The following APBB2 variants were observed in gnomAD, a reference collection of about 807,000 sequenced individuals.
The protein encoded by APBB2 is Fe65-like 1.
Under a neutral mutation model 82.5 loss-of-function variants are expected in APBB2, and 38 were observed. The observed-to-expected ratio is 0.46, with a 90% CI of 0.36 to 0.60. The LOEUF is 0.60. Ranked by LOEUF, APBB2 falls within the 20% of genes least tolerant of loss-of-function variation. The pLI is 0.00. For missense variants in APBB2, 772 were observed against 972.3 expected (o/e 0.79, Z 2.74); for synonymous variants, 341 against 368.2 (o/e 0.93, Z 0.85).
At chr4:40,819,417 C>T (rs1054357403) in intron 17 of APBB2, among the ~76,000 whole-genome samples, 6 of 151,778 alleles carry the variant, frequency 4.0e-5, no homozygotes, top group Admixed American at 2.0e-4. Flanking sequence ...ACCTCCTGAC[C>T]TCAAGTGATC....
At chr4:41,204,524 A>G (rs1777470529) in intron 1 of APBB2, among the ~76,000 whole-genome samples, 1 of 152,180 alleles carries the variant, frequency 6.6e-6, no homozygotes, top group Non-Finnish European at 1.5e-5. Context: ...CTTCTCCTGG[A>G]AGCTTTGCCC....
At chr4:41,074,462 A>G (rs1734904702) in intron 3 of APBB2, among the ~76,000 whole-genome samples, 1 of 152,214 alleles carries the variant, frequency 6.6e-6, no homozygotes. Flanking sequence ...TCTTTATCAT[A>G]GTGACAACAG....
At chr4:41,113,463 C>T (rs1218024592) in intron 2 of APBB2, among the ~76,000 whole-genome samples, 2 of 151,970 alleles carry the variant, frequency 1.3e-5, no homozygotes, top group Non-Finnish European at 2.9e-5. Context: ...ATCTAGTCAA[C>T]ATAGTATTGA....
intron 12 of APBB2, among the ~76,000 whole-genome samples, chr4:40,833,661 A>G (rs1420548976): frequency 6.6e-6 from 1 of 152,188 alleles, no homozygotes; most frequent in African/African-American, 2.4e-5. Context: ...GGCCACCCAC[A>G]TTCGAGTCTC....
In APBB2 at chr4:40,969,470, C is replaced by T. The variant is rs184958857; in HGVS notation, c.836-24397G>A. 2.2e-3 allele frequency among the ~76,000 whole-genome samples: 340 copies of T among 152,318 alleles called. 1 individual carries two copies. The highest frequency in any genetic ancestry group is 7.4e-3 in the African/African-American group (306 of 41,558). ...TCCATATGTTTTCAGATTATTATTA[C>T]TGACAACATAGACAACAGATGAGAT... On this transcript the variant is annotated intron_variant, in intron 6 of 17. Coordinates refer to ENST00000508593, the MANE Select transcript of APBB2 (RefSeq NM_004307.2).
chr4:41,210,572 A>G lies in APBB2; in HGVS notation c.-417+3833T>C, dbSNP rs1779076092. Among the ~76,000 whole-genome samples, 4 of 152,368 alleles carry G rather than the reference A, an allele frequency of 2.6e-5. No individual in the cohort carries two copies. The South Asian group carries it at 8.3e-4, about 32-fold the overall frequency. ...TATGCACTAATAACACATTAAAATCAAAATGGCTAATCTGGGTTTATCTTC... is the reference window on the plus strand; with the variant it reads ...TATGCACTAATAACACATTAAAATCGAAATGGCTAATCTGGGTTTATCTTC... On this transcript the variant is annotated intron_variant, in intron 1 of 17. Transcript: ENST00000508593.
At position 41,013,599 on chromosome 4, in the gene APBB2, G is replaced by A; in HGVS notation, c.819C>T (p.Ser273=). ...TTLSQDSASP[S]SPDETADIWS... is the part of the protein sequence containing the mutation. ...CAGGGGTACCTGTTTCATCCGGGGA[G>A]CTGGGTGAGGCACTGTCTTGGGACA... Residue 273 remains serine (S), a synonymous_variant, in exon 6 of 18, where the codon AGC becomes AGT. Coordinates refer to ENST00000508593, the MANE Select transcript of APBB2 (RefSeq NM_004307.2). 3.7e-6 allele frequency: 6 copies of A among 1,613,936 alleles called. No homozygotes were observed. The highest frequency in any genetic ancestry group is 5.1e-6 in the Non-Finnish European group (6 of 1,179,822).
At chr4:41,062,566 T>C (rs978099158) in intron 4 of APBB2, among the ~76,000 whole-genome samples, 5 of 152,090 alleles carry the variant, frequency 3.3e-5, no homozygotes, top group Non-Finnish European at 7.4e-5. Flanking sequence ...GTTCATGCCT[T>C]GGACTGAGGG....
At chr4:41,117,000 TC>T (rs1439891254) in intron 2 of APBB2, among the ~76,000 whole-genome samples, 4 of 152,198 alleles carry the variant, frequency 2.6e-5, no homozygotes, top group Non-Finnish European at 5.9e-5. Flanking sequence ...CCCATCACTG[TC>T]CCTCAGTTAA....
chr4:41,031,992 T>C (rs767010613), intron 5 of APBB2, among the ~76,000 whole-genome samples: 1 of 152,216 alleles, frequency 6.6e-6, no homozygotes, highest in Non-Finnish European at 1.5e-5. Flanking sequence ...GATATTCCTG[T>C]GTAAACTCAG....
chr4:40,980,208 C>G (rs1798134375), intron 6 of APBB2, among the ~76,000 whole-genome samples: 2 of 152,088 alleles, frequency 1.3e-5, no homozygotes, highest in Admixed American at 1.3e-4. Flanking sequence ...ATTTTTAGTA[C>G]AGAAGGTGTT....
chr4:41,048,554 C>G (rs1724274857), intron 4 of APBB2, among the ~76,000 whole-genome samples: 1 of 152,132 alleles, frequency 6.6e-6, no homozygotes, highest in Non-Finnish European at 1.5e-5. Context: ...ACATATGTAG[C>G]AGGTGGTGAA....
intron 4 of APBB2, among the ~76,000 whole-genome samples, chr4:41,034,957 T>A (rs1247399569): frequency 6.6e-6 from 1 of 152,208 alleles, no homozygotes; most frequent in African/African-American, 2.4e-5. Flanking sequence ...ATTCTATTTA[T>A]ATGAATTACA....
intron 6 of APBB2, among the ~76,000 whole-genome samples, chr4:40,957,141 C>T (rs1016384146): frequency 1.3e-5 from 2 of 152,176 alleles, no homozygotes; most frequent in Non-Finnish European, 2.9e-5. Flanking sequence ...GGCGCAAAGC[C>T]GGGCACATAG....
intron 5 of APBB2, among the ~76,000 whole-genome samples, chr4:41,016,352 A>T (rs1484963652): frequency 1.3e-5 from 2 of 152,254 alleles, no homozygotes; most frequent in Non-Finnish European, 2.9e-5. Context: ...TTATATCCTC[A>T]ATATGACAGA....
In APBB2 at chr4:41,161,008, C is replaced by T. The variant is rs1269995831; in HGVS notation, c.-416-17866G>A. Among the ~76,000 whole-genome samples, 12 of 152,028 alleles carry T rather than the reference C, an allele frequency of 7.9e-5. No individual in the cohort carries two copies. The East Asian group carries it at 1.4e-3, about 17-fold the overall frequency. On this transcript the variant is annotated intron_variant, in intron 1 of 17. Coordinates refer to ENST00000508593, the MANE Select transcript of APBB2 (RefSeq NM_004307.2). ...AAGCTGAGATGTGAATGTGGCCTCC[C>T]GAGCCTGACCTCTTAATCATTATAC...
intron 3 of APBB2, among the ~76,000 whole-genome samples, chr4:41,074,121 C>G (rs114978003): frequency 0.017 from 2,543 of 152,230 alleles, 35 homozygotes; most frequent in Non-Finnish European, 0.026. Flanking sequence ...GCAAGACCAT[C>G]TCTAAACAAA....
chr4:41,050,115 A>T (rs925563796), intron 4 of APBB2, among the ~76,000 whole-genome samples: 24 of 148,496 alleles, frequency 1.6e-4, no homozygotes, highest in African/African-American at 5.5e-4. Flanking sequence ...AATGATCAAT[A>T]AAAAAAAATA....
chr4:41,071,208 T>A (rs1441092501), intron 3 of APBB2, among the ~76,000 whole-genome samples: 1 of 152,200 alleles, frequency 6.6e-6, no homozygotes, highest in Non-Finnish European at 1.5e-5. Context: ...AAGATAAGTT[T>A]GTACACAAAA....
Sources: gnomAD v4.1 joint callset for allele counts (sites outside exome capture counted in the v4.1 genomes callset) on GRCh38, gnomAD v4.1.1 for gene constraint, MANE v1.5 for transcripts, NCBI Gene and HGNC (gene_info 2026-07-23, HGNC 2026-07-21) for gene names.